Variants in RXRA observed in about 807,000 individuals in gnomAD.
The protein encoded by RXRA is retinoid X receptor alpha.
Under a neutral mutation model 44.5 loss-of-function variants are expected in RXRA, and 5 were observed. That is an observed-to-expected ratio of 0.11 (90% CI 0.06 to 0.24). The LOEUF is 0.24. RXRA is among the 10% of genes least tolerant of loss of function. The pLI, the probability that RXRA is intolerant of heterozygous loss-of-function variation, is 1.00. For missense variants in RXRA, 412 were observed against 646.5 expected (o/e 0.64, Z 3.93); for synonymous variants, 291 against 271.4 (o/e 1.07, Z -0.71).
At chr9:134,372,867 G>A (rs913883337) in intron 1 of RXRA, among the ~76,000 whole-genome samples, 1 of 152,240 alleles carries the variant, frequency 6.6e-6, no homozygotes, top group Non-Finnish European at 1.5e-5. Flanking sequence ...TGGGCGCGGA[G>A]CTGCTTGAGA....
rs1305304091 is a variant in RXRA at position 134,342,785 on chromosome 9, T to C, written c.28+16126T>C. The stretch of plus-strand genomic sequence containing the variant: ...GGACAGCGCCGCGGAGGAGGCTGCC[T>C]ACCTGCCTTCCTGGCCCTTCCTGCT... On this transcript the variant is annotated intron_variant, in intron 1 of 9. Transcript: ENST00000481739. The surrounding 1 kb of genome is among the most constrained non-coding windows in gnomAD (Gnocchi z 4.4). 6.6e-6 allele frequency among the ~76,000 whole-genome samples: 1 copy of C among 152,122 alleles called. No individual in the cohort carries two copies. The highest frequency in any genetic ancestry group is 2.4e-5 in the African/African-American group (1 of 41,420).
intron 1 of RXRA, among the ~76,000 whole-genome samples, chr9:134,398,722 G>A (rs1044041355): frequency 6.6e-6 from 1 of 152,262 alleles, no homozygotes; most frequent in African/African-American, 2.4e-5. Context: ...GAAGCTGAAA[G>A]AATCCAGGAG....
At chr9:134,419,978 A>T (rs1171426144) in intron 5 of RXRA, among the ~76,000 whole-genome samples, 1 of 152,166 alleles carries the variant, frequency 6.6e-6, no homozygotes, top group African/African-American at 2.4e-5. Context: ...CCACTCCTGC[A>T]GAGGTCCCAG....
In RXRA at chr9:134,417,766, C is replaced by T. The variant is rs936154423; in HGVS notation, c.780+439C>T. 6.6e-6 allele frequency among the ~76,000 whole-genome samples: 1 copy of T among 152,146 alleles called. No homozygotes were observed. The highest frequency in any genetic ancestry group is 1.5e-5 in the Non-Finnish European group (1 of 68,006). On this transcript the variant is annotated intron_variant, in intron 5 of 9. Transcript: ENST00000481739. This position sits in a 1 kb window ranked among gnomAD's most constrained non-coding sequence, Gnocchi z 6.1. ...CTGCAGGTTGGTTCCAGGGCTGGCT[C>T]TGCCAGCAGCCGTGTGGCCCTGGGC...
At chr9:134,389,892 T>C (rs1564281656) in intron 1 of RXRA, among the ~76,000 whole-genome samples, 1 of 152,156 alleles carries the variant, frequency 6.6e-6, no homozygotes, top group Non-Finnish European at 1.5e-5. Flanking sequence ...CGTCTCAGGT[T>C]CTTGGGGCTG....
In RXRA at chr9:134,407,794, G is replaced by A. The variant is rs942731503; in HGVS notation, c.280-355G>A. On this transcript the variant is annotated intron_variant, in intron 2 of 9. Coordinates refer to ENST00000481739, the MANE Select transcript of RXRA (RefSeq NM_002957.6). This position sits in a 1 kb window ranked among gnomAD's most constrained non-coding sequence, Gnocchi z 4.8. ...GGGGCACCCAGCGGGGCTGGGCACT[G>A]CCAGGGGCTCAGTAATGAGAGGCAG... 9.2e-5 allele frequency among the ~76,000 whole-genome samples: 14 copies of A among 152,150 alleles called. No homozygotes were observed. Among genetic ancestry groups the A allele is most frequent in the African/African-American group, 3.4e-4 (14 of 41,434 alleles).
At chr9:134,410,991 G>A (rs1831139231) in intron 4 of RXRA, among the ~76,000 whole-genome samples, 1 of 152,210 alleles carries the variant, frequency 6.6e-6, no homozygotes, top group African/African-American at 2.4e-5. Context: ...GAGCCCAGAG[G>A]AGGCACCTGA....
At chr9:134,408,895 C>T (rs370583709) in intron 3 of RXRA, 45 bp from the exon 4 acceptor site, 26 of 1,437,902 alleles carry the variant, frequency 1.8e-5, no homozygotes, top group African/African-American at 1.5e-4. Context: ...GGCTCCCTGC[C>T]GGGGCGGTGG....
At chr9:134,399,453 C>T (rs573909936) in intron 1 of RXRA, among the ~76,000 whole-genome samples, 1 of 152,316 alleles carries the variant, frequency 6.6e-6, no homozygotes, top group African/African-American at 2.4e-5. Context: ...GTTTGTCTGT[C>T]TTGGACACAC....
chr9:134,419,970 A>C (rs1831302496), intron 5 of RXRA, among the ~76,000 whole-genome samples: 1 of 151,760 alleles, frequency 6.6e-6, no homozygotes, highest in Non-Finnish European at 1.5e-5. Flanking sequence ...CCGTGTGCCC[A>C]CTCCTGCAGA....
Position 134,436,698 on chromosome 9 carries a change from C to G in RXRA, c.*84C>G. 1 of 1,502,750 alleles carries G rather than the reference C, an allele frequency of 6.7e-7. No individual in the cohort carries two copies. The highest frequency in any genetic ancestry group is 9.1e-7 in the Non-Finnish European group (1 of 1,097,904). The allele number at this position is 1,502,750 out of a possible 1,614,324, so 93.1% of individuals were successfully genotyped here. On this transcript the variant is annotated 3_prime_UTR_variant, in exon 10 of 10. Coordinates refer to ENST00000481739, the MANE Select transcript of RXRA (RefSeq NM_002957.6). ...GTTCTTCTCAGCCTGAGCCCTGTCC[C>G]TGCCCTTCTCTGCCTGGCCTGTTTG...
Position 134,401,736 on chromosome 9 carries a change from G to C in RXRA, c.133G>C (p.Gly45Arg). ...CCTGGGGCCTGGCATCGGCTCCCCGGGACAGCTGCATTCTCCCATCAGCAC... is the reference window on the plus strand; with the variant it reads ...CCTGGGGCCTGGCATCGGCTCCCCGCGACAGCTGCATTCTCCCATCAGCAC... Reference protein sequence around the residue: ...PSLGPGIGSPGQLHSPISTLS... With the variant: ...PSLGPGIGSPRQLHSPISTLS... Residue 45 changes from glycine (G) to arginine (R), a missense_variant, in exon 2 of 10, where the codon GGA becomes CGA. Coordinates refer to ENST00000481739, the MANE Select transcript of RXRA (RefSeq NM_002957.6). 1 of 1,613,122 alleles carries C rather than the reference G, an allele frequency of 6.2e-7. No individual in the cohort carries two copies. Among genetic ancestry groups the C allele is most frequent in the South Asian group, 1.1e-5 (1 of 91,084 alleles).
chr9:134,350,868 C>T (rs1465303786), intron 1 of RXRA, among the ~76,000 whole-genome samples: 5 of 152,242 alleles, frequency 3.3e-5, no homozygotes, highest in African/African-American at 1.2e-4. Flanking sequence ...TGGTGCCTCC[C>T]CTGCCGCCTT....
Position 134,426,324 on chromosome 9 carries a change from G to C in RXRA, c.911-2784G>C. 2.0e-6 allele frequency: 2 copies of C among 985,440 alleles called. No homozygotes were observed. The highest frequency in any genetic ancestry group is 2.4e-6 in the Non-Finnish European group (2 of 829,928). 61.0% of individuals were successfully genotyped at this position (985,440 alleles called of 1,614,324 possible). On this transcript the variant is annotated intron_variant, in intron 6 of 9. Coordinates refer to ENST00000481739, the MANE Select transcript of RXRA (RefSeq NM_002957.6). This position sits in a 1 kb window ranked among gnomAD's most constrained non-coding sequence, Gnocchi z 4.6. ...CCTGCAGCGATGGAGCACTTAGGAA[G>C]GTGAAGACACCCCAAAGGTTACTGT...
rs1304225920 is a variant in RXRA, at chr9:134,433,258, TC to T, written c.1136-840del. ...CCACGGCCCGGCCCGGCCCGAGGAA[TC>T]CCCATTCAGGTCCTGTGTGGTCTGG... On this transcript the variant is annotated intron_variant, in intron 8 of 9. Transcript: ENST00000481739. This position sits in a 1 kb window ranked among gnomAD's most constrained non-coding sequence, Gnocchi z 4.2. 6.6e-6 allele frequency among the ~76,000 whole-genome samples: 1 copy of T among 152,092 alleles called. No homozygotes were observed. Among genetic ancestry groups the T allele is most frequent in the Non-Finnish European group, 1.5e-5 (1 of 68,012 alleles).
At position 134,326,565 on chromosome 9, in the gene RXRA, C is replaced by G; in HGVS notation, c.-67C>G. 2 of 499,788 alleles carry G rather than the reference C, an allele frequency of 4.0e-6. No individual in the cohort carries two copies. The highest frequency in any genetic ancestry group is 5.1e-6 in the Non-Finnish European group (2 of 391,492). The allele number at this position is 499,788 out of a possible 1,614,324, so 31.0% of individuals were successfully genotyped here. A position where few individuals can be genotyped will look rare whatever the true frequency, so the allele number is the denominator to read the frequency against. On this transcript the variant is annotated 5_prime_UTR_variant, in exon 1 of 10. Transcript: ENST00000481739. Reference sequence around the variant, plus strand: ...CCGCCGCCCGGGCCCGGGCCGGCCGCGCCGGGGGCCGCCGCGCCCGCCGCC... The same window carrying G: ...CCGCCGCCCGGGCCCGGGCCGGCCGGGCCGGGGGCCGCCGCGCCCGCCGCC...
chr9:134,410,749 T>A (rs1340264715), intron 4 of RXRA, among the ~76,000 whole-genome samples: 1 of 152,146 alleles, frequency 6.6e-6, no homozygotes, highest in Admixed American at 6.5e-5. Context: ...TGGCAGTCTC[T>A]GTGAGGATGC....
At chr9:134,418,254 C>T (rs1388594329) in intron 5 of RXRA, among the ~76,000 whole-genome samples, 6 of 152,168 alleles carry the variant, frequency 3.9e-5, no homozygotes, top group Non-Finnish European at 8.8e-5. Context: ...GGCAGGTGAG[C>T]TCCTGGCCAC....
chr9:134,429,377 G>C, intron 7 of RXRA, 137 bp downstream of exon 7: 1 of 955,396 alleles, frequency 1.0e-6, no homozygotes, highest in Non-Finnish European at 1.5e-6. Flanking sequence ...CATGGAAAAA[G>C]AGAAAAGCAT....
Sources: gnomAD v4.1 joint callset for allele counts (sites outside exome capture counted in the v4.1 genomes callset) on GRCh38, gnomAD v4.1.1 for gene constraint, Gnocchi (gnomAD v3.1) non-coding constraint, MANE v1.5 for transcripts, NCBI Gene and HGNC (gene_info 2026-07-23, HGNC 2026-07-21) for gene names.